The following PITX3 variants were observed in gnomAD, a reference collection of about 807,000 sequenced individuals.
PITX3 encodes paired like homeodomain 3.
In PITX3, 4 loss-of-function variants were observed where a neutral mutation model predicts 14.2. That is an observed-to-expected ratio of 0.28 (90% CI 0.14 to 0.65). PITX3 has a LOEUF of 0.65. Ranked by LOEUF, PITX3 falls within the 30% of genes least tolerant of loss-of-function variation. The probability of loss-of-function intolerance (pLI) is 0.82; values close to 1 mark genes in which losing one functional copy is unlikely to be tolerated. For missense variants in PITX3, 358 were observed against 426.8 expected, an observed-to-expected ratio of 0.84 and a Z score of 1.42; for synonymous variants, 194 against 204.5, an observed-to-expected ratio of 0.95 and a Z score of 0.44.
intron 1 of PITX3, among the ~76,000 whole-genome samples, chr10:102,233,582 G>A (rs1041753559): frequency 2.6e-5 from 4 of 152,174 alleles, no homozygotes; most frequent in African/African-American, 9.7e-5. Context: ...GGAATTACAG[G>A]TGTGAGCCAC....
chr10:102,232,221 TG>T (rs2133799824), intron 1 of PITX3, 129 bp from the exon 2 acceptor site: 1 of 653,462 alleles, frequency 1.5e-6, no homozygotes, highest in Non-Finnish European at 2.8e-6. Flanking sequence ...TGGGGCTGCG[TG>T]GGGCTCCTTA....
In PITX3 at chr10:102,230,964, G is replaced by C. The variant is rs1362407123; in HGVS notation, c.459C>G (p.Tyr153Ter). ...CAAGAGCCTTGGGCGGCCAGTTGCC[G>C]TACGAGTAGCCGGGGTACACCTCCT... ...PYEEVYPGYS[Y>*]GNWPPKALAP... The change falls in exon 4 of 4, where the codon TAC becomes TAG. Residue 153 changes from tyrosine to a stop codon, truncating the protein, a stop_gained. Transcript: ENST00000370002. LOFTEE classifies it low-confidence loss of function (END_TRUNC). The C allele has an allele frequency of 6.2e-7, 1 of 1,607,476 alleles. No individual in the cohort carries two copies.
At position 102,231,616 on chromosome 10, in the gene PITX3, C is replaced by T; in HGVS notation, c.293G>A (p.Trp98Ter). ...CACGCGGGCCTCGGTGAGGTTGGTCCACACGGCGATCTCCTCGCGCGTGCT... is the reference window on the plus strand; with the variant it reads ...CACGCGGGCCTCGGTGAGGTTGGTCTACACGGCGATCTCCTCGCGCGTGCT... The part of the protein sequence containing the change: ...DMSTREEIAV[W>*]TNLTEARVRV... Residue 98 changes from tryptophan to a stop codon, truncating the protein, a stop_gained, in exon 3 of 4, where the codon TGG (tryptophan) becomes TAG (stop). Coordinates refer to ENST00000370002, the MANE Select transcript of PITX3 (RefSeq NM_005029.4). LOFTEE classifies it low-confidence loss of function (END_TRUNC). 1 of 1,609,934 alleles carries T rather than the reference C, an allele frequency of 6.2e-7. No homozygotes were observed. Among genetic ancestry groups the T allele is most frequent in the Non-Finnish European group, 8.5e-7 (1 of 1,178,194 alleles).
At position 102,231,692 on chromosome 10, in the gene PITX3, G is replaced by T; in HGVS notation, c.217C>A (p.Gln73Lys). The change falls in exon 3 of 4, where the codon CAG becomes AAG. Residue 73 changes from glutamine to lysine, a missense_variant. Coordinates refer to ENST00000370002, the MANE Select transcript of PITX3 (RefSeq NM_005029.4). ...RRQRTHFTSQ[Q>K]LQELEATFQR... is the part of the protein sequence containing the mutation. The stretch of plus-strand genomic sequence containing the variant: ...AAGGTCGCCTCTAGCTCCTGTAGCT[G>T]CTGGCTGGTGAAGTGCGTGCGCTGC... 6.2e-7 allele frequency: 1 copy of T among 1,610,976 alleles called. No individual in the cohort carries two copies. The highest frequency in any genetic ancestry group is 8.5e-7 in the Non-Finnish European group (1 of 1,178,724).
At position 102,231,074 on chromosome 10, in the gene PITX3, A is replaced by T; in HGVS notation, c.349T>A (p.Trp117Arg). Reference protein sequence around the residue: ...RVWFKNRRAKWRKRERSQQAE... With the variant: ...RVWFKNRRAKRRKRERSQQAE... ...TGCTGGCTGCGCTCGCGCTTCCGCC[A>T]TTTGGCGCGCCGGTTCTTGAACCAC... The change falls in exon 4 of 4, where the codon TGG (tryptophan) becomes AGG (arginine). Residue 117 changes from tryptophan to arginine, a missense_variant. Trp to Arg is a moderately radical substitution (Grantham distance 101). This residue lies in a region of PITX3 where 50 missense variants were observed against 96.7 expected (regional missense o/e 0.52). Coordinates refer to ENST00000370002, the MANE Select transcript of PITX3 (RefSeq NM_005029.4). 6.4e-7 allele frequency: 1 copy of T among 1,564,602 alleles called. No individual in the cohort carries two copies. The highest frequency in any genetic ancestry group is 8.6e-7 in the Non-Finnish European group (1 of 1,158,286).
At chr10:102,231,552 C>G in intron 3 of PITX3, 36 bp downstream of exon 3, 1 of 1,419,036 alleles carries the variant, frequency 7.0e-7, no homozygotes, top group Non-Finnish European at 9.7e-7. Context: ...CGCGGAGGGC[C>G]CGCGCGGGTG....
rs1174468079 is a variant in PITX3 at position 102,230,618 on chromosome 10, G to C, written c.805C>G (p.Leu269Val). Residue 269 changes from leucine to valine, a missense_variant, in exon 4 of 4, where the codon CTC (leucine) becomes GTC (valine). Physicochemically the swap from Leu to Val is conservative, Grantham distance 32. Around this residue, in one of 3 missense-constraint regions of PITX3, gnomAD observed 236 missense variants for 250.2 expected, o/e 0.94. Coordinates refer to ENST00000370002, the MANE Select transcript of PITX3 (RefSeq NM_005029.4). ...PCNSSLASLRLKAKQHASFSY... is the reference protein window; with the variant it reads ...PCNSSLASLRVKAKQHASFSY... ...AAGGAGGCGTGCTGTTTGGCTTTGAGCCGCAGGCTGGCCAGGCTCGAGTTA... is the reference window on the plus strand; with the variant it reads ...AAGGAGGCGTGCTGTTTGGCTTTGACCCGCAGGCTGGCCAGGCTCGAGTTA... 3 of 1,609,564 alleles carry C rather than the reference G, an allele frequency of 1.9e-6. No individual in the cohort carries two copies. Among genetic ancestry groups the C allele is most frequent in the Admixed American group, 3.4e-5 (2 of 59,286 alleles).
At position 102,235,018 on chromosome 10, in the gene PITX3, T is replaced by C. The variant is rs1382148218; in HGVS notation, c.-12-2926A>G. Among the ~76,000 whole-genome samples, 10 of 152,038 alleles carry C rather than the reference T, an allele frequency of 6.6e-5. No homozygotes were observed. In the East Asian group the frequency reaches 9.7e-4, roughly 15 times the overall value. On this transcript the variant is annotated intron_variant, in intron 1 of 3. Transcript: ENST00000370002. Reference sequence around the variant, plus strand: ...GCCCCCACTCAGACATAATAAGCACTTGGACTTGGAGCTAGGGGCACACAA... The same window carrying C: ...GCCCCCACTCAGACATAATAAGCACCTGGACTTGGAGCTAGGGGCACACAA...
chr10:102,236,460 C>T (rs1458067961), intron 1 of PITX3, among the ~76,000 whole-genome samples: 1 of 152,180 alleles, frequency 6.6e-6, no homozygotes, highest in Non-Finnish European at 1.5e-5. Context: ...GGCCCAGTCC[C>T]ACTGGTATCA....
rs1022937280 is a variant in PITX3, at chr10:102,235,186, C to A, written c.-12-3094G>T. The stretch of plus-strand genomic sequence containing the variant: ...ACCCTTCCCCCACCCCCCACCCCCC[C>A]ACCGCCTCCCTGGCCCCTCTGAACC... On this transcript the variant is annotated intron_variant, in intron 1 of 3. Coordinates refer to ENST00000370002, the MANE Select transcript of PITX3 (RefSeq NM_005029.4). Among the ~76,000 whole-genome samples, 21 of 144,692 alleles carry A rather than the reference C, an allele frequency of 1.5e-4. No homozygotes were observed. The East Asian group carries it at 2.5e-3, about 18-fold the overall frequency. The allele number at this position is 144,692 out of a possible 152,430, so 94.9% of individuals were successfully genotyped here. A position where few individuals can be genotyped will look rare whatever the true frequency, so the allele number is the denominator to read the frequency against.
At chr10:102,237,377 G>A (rs2133811300) in intron 1 of PITX3, among the ~76,000 whole-genome samples, 1 of 152,174 alleles carries the variant, frequency 6.6e-6, no homozygotes, top group East Asian at 1.9e-4. Flanking sequence ...GGAATAAGCT[G>A]GCAGGCTGGG....
chr10:102,237,887 G>T (rs1541048), intron 1 of PITX3, among the ~76,000 whole-genome samples: 2 of 149,752 alleles, frequency 1.3e-5, no homozygotes, highest in African/African-American at 4.9e-5. Flanking sequence ...CTCCTCCCCC[G>T]CCCACCCCAC....
intron 1 of PITX3, among the ~76,000 whole-genome samples, chr10:102,235,172 A>ACCCC (rs777123799): frequency 5.2e-4 from 40 of 77,256 alleles, no homozygotes; most frequent in African/African-American, 1.8e-3. Context: ...CCCTTCCCCC[A>ACCCC]CCCCCCACCC....
chr10:102,234,175 CT>C (rs542637769), intron 1 of PITX3, among the ~76,000 whole-genome samples: 1 of 152,166 alleles, frequency 6.6e-6, no homozygotes, highest in Non-Finnish European at 1.5e-5. Flanking sequence ...TATTAGGAGC[CT>C]TTCTCAGGGA....
intron 1 of PITX3, among the ~76,000 whole-genome samples, chr10:102,233,288 T>TC (rs2070300390): frequency 1.1e-4 from 2 of 17,424 alleles, no homozygotes; most frequent in African/African-American, 4.8e-4. Context: ...GACTTCTTTC[T>TC]TTTTTTTTTT....
chr10:102,231,650 G>T lies in PITX3; in HGVS notation c.259C>A (p.Pro87Thr). The change falls in exon 3 of 4, where the codon CCC (proline) becomes ACC (threonine). Residue 87 changes from proline (P) to threonine (T), a missense_variant. Transcript: ENST00000370002. ...ATCTCCTCGCGCGTGCTCATGTCGG[G>T]GTAGCGGTTCCTCTGGAAGGTCGCC... is the stretch of plus-strand genomic sequence containing the variant. ...LEATFQRNRY[P>T]DMSTREEIAV... 6.2e-7 allele frequency: 1 copy of T among 1,612,680 alleles called. No individual in the cohort carries two copies. The highest frequency in any genetic ancestry group is 8.5e-7 in the Non-Finnish European group (1 of 1,179,426).
intron 1 of PITX3, among the ~76,000 whole-genome samples, chr10:102,232,938 C>G (rs979841330): frequency 1.3e-5 from 2 of 152,186 alleles, no homozygotes; most frequent in African/African-American, 4.8e-5. Context: ...CTCATTCTCT[C>G]TCCCCTCACA....
At position 102,230,843 on chromosome 10, in the gene PITX3, T is replaced by A; in HGVS notation, c.580A>T (p.Ile194Phe). 2 of 1,589,620 alleles carry A rather than the reference T, an allele frequency of 1.3e-6. No individual in the cohort carries two copies. Among genetic ancestry groups the A allele is most frequent in the Non-Finnish European group, 1.7e-6 (2 of 1,169,048 alleles). ...SQPVFSPPSS[I>F]AASMVPSAAA... ...GCGGAGGGCACCATGGAGGCGGCGA[T>A]GGAGCTGGGTGGCGAGAAGACGGGC... Residue 194 changes from isoleucine (I) to phenylalanine (F), a missense_variant, in exon 4 of 4, where the codon ATC becomes TTC. By Grantham distance (21) the Ile-to-Phe change is conservative. Around this residue, in one of 3 missense-constraint regions of PITX3, gnomAD observed 236 missense variants for 250.2 expected, o/e 0.94. Transcript: ENST00000370002.
intron 1 of PITX3, among the ~76,000 whole-genome samples, chr10:102,235,570 G>C (rs1413699324): frequency 6.6e-6 from 1 of 152,152 alleles, no homozygotes; most frequent in Non-Finnish European, 1.5e-5. Context: ...ATAAGGTTTA[G>C]ATAAAAACAT....
Sources: gnomAD v4.1 joint callset for allele counts (sites outside exome capture counted in the v4.1 genomes callset) on GRCh38, gnomAD v4.1.1 for gene constraint, gnomAD v4.1.1 regional missense constraint, MANE v1.5 for transcripts, NCBI Gene and HGNC (gene_info 2026-07-23, HGNC 2026-07-21) for gene names.